Variants in CREB5 observed in about 807,000 individuals in gnomAD.
CREB5 encodes cAMP responsive element binding protein 5.
In CREB5, 19 loss-of-function variants were observed where a neutral mutation model predicts 57.1. The ratio of observed to expected loss-of-function variants is 0.33; its 90% CI spans 0.23 to 0.49. The LOEUF (loss-of-function observed/expected upper bound fraction) is 0.49. Ranked by LOEUF, CREB5 falls within the 20% of genes least tolerant of loss-of-function variation. The pLI, the probability that CREB5 is intolerant of heterozygous loss-of-function variation, is 0.99. For missense variants in CREB5, 579 were observed against 671.6 expected (o/e 0.86, Z 1.52); for synonymous variants, 238 against 238.3 (o/e 1.00, Z 0.01).
chr7:28,354,187 T>C (rs1409858709), intron 1 of CREB5, among the ~76,000 whole-genome samples: 1 of 152,140 alleles, frequency 6.6e-6, no homozygotes, highest in Non-Finnish European at 1.5e-5. Flanking sequence ...GAGTGTCCAC[T>C]TGATTGGATT....
At chr7:28,508,259 G>A (rs1322163445) in intron 4 of CREB5, among the ~76,000 whole-genome samples, 1 of 152,168 alleles carries the variant, frequency 6.6e-6, no homozygotes, top group Non-Finnish European at 1.5e-5. Context: ...AAAAATGTAG[G>A]AAAATCATTT....
intron 5 of CREB5, among the ~76,000 whole-genome samples, chr7:28,668,695 G>A (rs1398781028): frequency 6.6e-6 from 1 of 152,134 alleles, no homozygotes; most frequent in Non-Finnish European, 1.5e-5. Context: ...TGAAAGCAAC[G>A]GGGAGTATTT....
intron 7 of CREB5, among the ~76,000 whole-genome samples, chr7:28,781,770 A>G (rs1806986583): frequency 1.1e-5 from 1 of 92,882 alleles, no homozygotes; most frequent in African/African-American, 4.2e-5. Flanking sequence ...TGGTACAAAA[A>G]TTGATTTTTT....
intron 7 of CREB5, among the ~76,000 whole-genome samples, chr7:28,790,452 G>T (rs765678129): frequency 3.5e-4 from 12 of 33,966 alleles, no homozygotes; most frequent in Admixed American, 2.4e-3. Context: ...GAGAGAGAGA[G>T]AGAGAGAGAT....
intron 5 of CREB5, among the ~76,000 whole-genome samples, chr7:28,718,078 C>T (rs1802803125): frequency 6.6e-6 from 1 of 152,174 alleles, no homozygotes. Context: ...AGGTCAGGCC[C>T]AAATCAGTTT....
intron 5 of CREB5, among the ~76,000 whole-genome samples, chr7:28,717,262 T>C (rs1380150051): frequency 6.6e-6 from 1 of 152,026 alleles, no homozygotes; most frequent in African/African-American, 2.4e-5. Context: ...TTTCACCGTG[T>C]TGGCCAGGCT....
chr7:28,517,960 T>C (rs1385827210), intron 4 of CREB5, among the ~76,000 whole-genome samples: 3 of 152,158 alleles, frequency 2.0e-5, no homozygotes, highest in Admixed American at 6.5e-5. Context: ...GTGTGTATGA[T>C]GACATTTTGT....
intron 1 of CREB5, among the ~76,000 whole-genome samples, chr7:28,323,627 A>G (rs1363727111): frequency 1.3e-5 from 2 of 151,328 alleles, no homozygotes; most frequent in African/African-American, 4.9e-5. Context: ...CAACATCCCT[A>G]CTCTGTCTAG....
intron 1 of CREB5, among the ~76,000 whole-genome samples, chr7:28,330,187 A>G (rs1269398133): frequency 6.6e-6 from 1 of 152,164 alleles, no homozygotes; most frequent in African/African-American, 2.4e-5. Flanking sequence ...GTTGCATGTG[A>G]TATTTCCTGT....
At chr7:28,594,579 A>G (rs549597606) in intron 5 of CREB5, among the ~76,000 whole-genome samples, 133 of 152,190 alleles carry the variant, frequency 8.7e-4, no homozygotes, top group Non-Finnish European at 1.6e-3. Context: ...TGTGACTTTA[A>G]CATGTCAATC....
intron 1 of CREB5, among the ~76,000 whole-genome samples, chr7:28,474,452 T>G (rs540240725): frequency 2.2e-4 from 34 of 152,338 alleles, no homozygotes; most frequent in Admixed American, 9.8e-4. Flanking sequence ...TTTCCTTGCC[T>G]GGTGCTTGAG....
intron 1 of CREB5, among the ~76,000 whole-genome samples, chr7:28,483,862 G>A (rs1055223417): frequency 1.3e-5 from 2 of 152,068 alleles, no homozygotes; most frequent in Non-Finnish European, 2.9e-5. Context: ...TTCTTCTCTG[G>A]CCATAACTGT....
intron 1 of CREB5, among the ~76,000 whole-genome samples, chr7:28,332,803 C>T (rs752604864): frequency 3.9e-5 from 6 of 152,156 alleles, no homozygotes; most frequent in Non-Finnish European, 5.9e-5. Flanking sequence ...AGCTATACAT[C>T]ATCATTTTAC....
At chr7:28,562,995 C>T (rs1403410080) in intron 4 of CREB5, among the ~76,000 whole-genome samples, 2 of 152,180 alleles carry the variant, frequency 1.3e-5, no homozygotes, top group Admixed American at 6.5e-5. Flanking sequence ...CTGCCTAGAG[C>T]TGAGCTTTTC....
intron 5 of CREB5, among the ~76,000 whole-genome samples, chr7:28,572,773 T>C (rs1392536140): frequency 1.3e-5 from 2 of 152,144 alleles, no homozygotes; most frequent in Non-Finnish European, 2.9e-5. Context: ...GACTGTACAT[T>C]TGGGTGACAT....
chr7:28,462,641 C>T (rs1214607591), intron 1 of CREB5, among the ~76,000 whole-genome samples: 1 of 152,132 alleles, frequency 6.6e-6, no homozygotes, highest in African/African-American at 2.4e-5. Context: ...ATCTCACTGT[C>T]ATTTGCCTTT....
intron 5 of CREB5, among the ~76,000 whole-genome samples, chr7:28,706,027 C>T (rs550183973): frequency 1.3e-5 from 2 of 152,308 alleles, no homozygotes; most frequent in South Asian, 4.1e-4. Context: ...CAGAGTTTCT[C>T]CTGCTAATAC....
rs1795231729 is a variant in CREB5, at chr7:28,560,987, T to TGTGTGCGCGTGTGTGCGCGTGC, written c.292-9373_292-9372insCGCGTGTGTGCGCGTGCGTGTG. 1.9e-4 allele frequency among the ~76,000 whole-genome samples: 12 copies of TGTGTGCGCGTGTGTGCGCGTGC among 64,452 alleles called. 2 individuals carry two copies. Among genetic ancestry groups the TGTGTGCGCGTGTGTGCGCGTGC allele is most frequent in the Admixed American group, 3.6e-4 (2 of 5,506 alleles). The allele number at this position is 64,452 out of a possible 152,430, so 42.3% of individuals were successfully genotyped here. On this transcript the variant is annotated intron_variant, in intron 4 of 10. Coordinates refer to ENST00000357727, the MANE Select transcript of CREB5 (RefSeq NM_182898.4). ...GTGTGTGTGTGCGTGTGTGCGTGCG[T>TGTGTGCGCGTGTGTGCGCGTGC]GTGTGTGCCTGCGTGTGCGTGTGTG...
intron 7 of CREB5, among the ~76,000 whole-genome samples, chr7:28,739,969 A>G (rs944821778): frequency 6.6e-6 from 1 of 152,188 alleles, no homozygotes; most frequent in African/African-American, 2.4e-5. Flanking sequence ...GGCCGTGCCA[A>G]CTTACACGGA....
Sources: gnomAD v4.1 joint callset for allele counts (sites outside exome capture counted in the v4.1 genomes callset) on GRCh38, gnomAD v4.1.1 for gene constraint, MANE v1.5 for transcripts, NCBI Gene and HGNC (gene_info 2026-07-23, HGNC 2026-07-21) for gene names.